The following ITGBL1 variants were observed in gnomAD, a reference collection of about 807,000 sequenced individuals.
The protein encoded by ITGBL1 is integrin beta-like protein 1.
In ITGBL1, 51 loss-of-function variants were observed where a neutral mutation model predicts 68.5. The ratio of observed to expected loss-of-function variants is 0.74; its 90% confidence interval spans 0.59 to 0.94. The LOEUF (loss-of-function observed/expected upper bound fraction) is 0.94, where lower values mean the gene tolerates loss of function less well. Among genes scored for constraint, ITGBL1 ranks in the 40% least tolerant of loss-of-function variants. The pLI is 0.00. For missense variants in ITGBL1, 649 were observed against 647.4 expected, an observed-to-expected ratio of 1.00 and a Z score of -0.03; for synonymous variants, 209 against 227.3, an observed-to-expected ratio of 0.92 and a Z score of 0.72.
intron 7 of ITGBL1, among the ~76,000 whole-genome samples, chr13:101,649,115 A>C (rs1422684737): frequency 2.0e-5 from 3 of 152,188 alleles, no homozygotes; most frequent in Non-Finnish European, 1.5e-5. Context: ...TGGTAATTTT[A>C]GTTTTAGAGT....
At chr13:101,525,593 C>T (rs559737144) in intron 2 of ITGBL1, among the ~76,000 whole-genome samples, 2 of 151,260 alleles carry the variant, frequency 1.3e-5, no homozygotes, top group Admixed American at 6.6e-5. Context: ...AGATGAATTC[C>T]GTGTCTATTT....
intron 7 of ITGBL1, among the ~76,000 whole-genome samples, chr13:101,665,839 A>G (rs7323455): frequency 0.8 from 120,969 of 152,124 alleles, 48,300 homozygotes; most frequent in East Asian, 0.96. Context: ...TGCCAAAACC[A>G]CAGCGTTGCA....
intron 7 of ITGBL1, among the ~76,000 whole-genome samples, chr13:101,644,188 A>G (rs115225528): frequency 6.2e-4 from 95 of 152,308 alleles, no homozygotes; most frequent in Middle Eastern, 3.4e-3. Flanking sequence ...AGTCTAATGG[A>G]GAATAAAACA....
chr13:101,579,889 C>T (rs1024440993), intron 5 of ITGBL1, among the ~76,000 whole-genome samples: 16 of 151,912 alleles, frequency 1.1e-4, no homozygotes, highest in Admixed American at 4.6e-4. Flanking sequence ...ATTTAACTTC[C>T]GTGTGCAATA....
intron 7 of ITGBL1, among the ~76,000 whole-genome samples, chr13:101,649,557 A>G (rs566619336): frequency 4.6e-5 from 7 of 152,290 alleles, no homozygotes; most frequent in Non-Finnish European, 1.0e-4. Flanking sequence ...GATATTTCTC[A>G]TGGAAATCTA....
intron 3 of ITGBL1, among the ~76,000 whole-genome samples, chr13:101,573,385 GA>G (rs2139265453): frequency 6.6e-6 from 1 of 152,228 alleles, no homozygotes; most frequent in East Asian, 1.9e-4. Context: ...AACTGTGAGT[GA>G]AAAATTTATA....
chr13:101,499,798 A>C (rs1355066554), intron 2 of ITGBL1, among the ~76,000 whole-genome samples: 1 of 152,242 alleles, frequency 6.6e-6, no homozygotes, highest in African/African-American at 2.4e-5. Flanking sequence ...CATAAAAATA[A>C]TTGGGGAAAA....
chr13:101,644,628 A>G (rs1341431829), intron 7 of ITGBL1, among the ~76,000 whole-genome samples: 1 of 152,228 alleles, frequency 6.6e-6, no homozygotes, highest in Non-Finnish European at 1.5e-5. Context: ...CAAATACTTG[A>G]AAAGCAAAGT....
intron 2 of ITGBL1, among the ~76,000 whole-genome samples, chr13:101,517,319 T>C (rs1355616623): frequency 6.6e-6 from 1 of 152,184 alleles, no homozygotes; most frequent in African/African-American, 2.4e-5. Flanking sequence ...TCTGAAGCTA[T>C]TGATGTTTAT....
chr13:101,686,421 T>C (rs1001275410), intron 7 of ITGBL1, among the ~76,000 whole-genome samples: 3 of 152,186 alleles, frequency 2.0e-5, no homozygotes, highest in African/African-American at 7.2e-5. Flanking sequence ...GAAGGTGCTG[T>C]GGTCTATAGG....
At chr13:101,651,677 A>C (rs1298150456) in intron 7 of ITGBL1, among the ~76,000 whole-genome samples, 1 of 152,160 alleles carries the variant, frequency 6.6e-6, no homozygotes, top group Non-Finnish European at 1.5e-5. Context: ...TAGTGTAATT[A>C]GATCTTATTA....
rs917287566 is a variant in ITGBL1 at position 101,688,196 on chromosome 13, C to T, written c.1016-4389C>T. Reference sequence around the variant, plus strand: ...GCTGCTACCAAGATACAAATCTCACCGTTAGTCTGGACCGTAGTGATTTTA... The same window carrying T: ...GCTGCTACCAAGATACAAATCTCACTGTTAGTCTGGACCGTAGTGATTTTA... On this transcript the variant is annotated intron_variant, in intron 7 of 10. Transcript: ENST00000376180. 1.6e-4 allele frequency among the ~76,000 whole-genome samples: 25 copies of T among 152,210 alleles called. No homozygotes were observed. The East Asian group carries it at 4.3e-3, about 26-fold the overall frequency.
chr13:101,613,292 G>GTTCA (rs376038528), intron 7 of ITGBL1, among the ~76,000 whole-genome samples: 73 of 152,078 alleles, frequency 4.8e-4, no homozygotes, highest in Middle Eastern at 3.4e-3. Flanking sequence ...CAAGGTCAAC[G>GTTCA]TTCATTCATT....
rs35737952 is a variant in ITGBL1 at position 101,597,419 on chromosome 13, CA to C, written c.869-712del. On this transcript the variant is annotated intron_variant, in intron 6 of 10. Coordinates refer to ENST00000376180, the MANE Select transcript of ITGBL1 (RefSeq NM_004791.3). The stretch of plus-strand genomic sequence containing the variant: ...ATATATTAAAAAGTAGTCTAAAAAG[CA>C]AAAAAAAAAAAAAAAAAAAAATCCT... Among the ~76,000 whole-genome samples the C allele has an allele frequency of 9.0e-4, 114 of 127,216 alleles. 1 individual carries two copies. The highest frequency in any genetic ancestry group is 4.2e-3 in the Middle Eastern group (1 of 238). 83.5% of individuals were successfully genotyped at this position (127,216 alleles called of 152,430 possible).
intron 2 of ITGBL1, among the ~76,000 whole-genome samples, chr13:101,454,818 T>G (rs1309604344): frequency 2.6e-5 from 4 of 152,282 alleles, no homozygotes; most frequent in African/African-American, 7.2e-5. Context: ...CGGGCACATA[T>G]TTACTTAGAA....
intron 7 of ITGBL1, among the ~76,000 whole-genome samples, chr13:101,676,007 T>A (rs1386454145): frequency 6.6e-6 from 1 of 152,220 alleles, no homozygotes; most frequent in Non-Finnish European, 1.5e-5. Context: ...TATTTGTTTT[T>A]TACAGATAAT....
At chr13:101,701,386 A>G (rs897900783) in intron 8 of ITGBL1, among the ~76,000 whole-genome samples, 20 of 152,218 alleles carry the variant, frequency 1.3e-4, no homozygotes, top group Non-Finnish European at 1.8e-4. Context: ...TACAAAAATT[A>G]GCTGGGCGTG....
chr13:101,615,271 A>T (rs1031336910), intron 7 of ITGBL1, among the ~76,000 whole-genome samples: 2 of 152,068 alleles, frequency 1.3e-5, no homozygotes, highest in Admixed American at 6.5e-5. Flanking sequence ...CCCTAAATCC[A>T]GGATGATTCA....
chr13:101,464,587 T>C (rs758121507), intron 2 of ITGBL1, among the ~76,000 whole-genome samples: 1 of 152,120 alleles, frequency 6.6e-6, no homozygotes, highest in Non-Finnish European at 1.5e-5. Context: ...TTTATGCTTG[T>C]ATAGCCAATC....
Sources: allele counts gnomAD v4.1 joint callset (sites outside exome capture counted in the v4.1 genomes callset), GRCh38; gene constraint gnomAD v4.1.1; transcripts MANE v1.5; gene names NCBI Gene and HGNC (gene_info 2026-07-23, HGNC 2026-07-21).